The following NPRL3 variants were observed in gnomAD, a reference collection of about 807,000 sequenced individuals.
NPRL3 encodes the protein NPR3 like, GATOR1 complex subunit.
In NPRL3, 23 loss-of-function variants were observed where a neutral mutation model predicts 57.2. The observed-to-expected ratio is 0.40, with a 90% CI of 0.29 to 0.57. The LOEUF is 0.57. Ranked by LOEUF, NPRL3 falls within the 20% of genes least tolerant of loss-of-function variation. The pLI, the probability that NPRL3 is intolerant of heterozygous loss-of-function variation, is 0.42. For synonymous variants in NPRL3, 333 were observed against 321.1 expected (o/e 1.04, Z -0.39); for missense variants, 691 against 767.1 (o/e 0.90, Z 1.17).
intron 9 of NPRL3, 125 bp from the exon 10 acceptor site, chr16:93,450 A>G: frequency 5.9e-6 from 4 of 679,152 alleles, no homozygotes; most frequent in South Asian, 3.3e-5. Flanking sequence ...CCTCATGCAG[A>G]ACACACCTGG....
intron 7 of NPRL3, among the ~76,000 whole-genome samples, chr16:105,913 C>A (rs541163023): frequency 1.3e-5 from 2 of 152,206 alleles, no homozygotes; most frequent in African/African-American, 4.8e-5. Context: ...TTGGGGTGGC[C>A]TCCTGAGCGA....
intron 5 of NPRL3, among the ~76,000 whole-genome samples, chr16:114,543 A>T (rs1237580442): frequency 6.6e-6 from 1 of 152,200 alleles, no homozygotes; most frequent in African/African-American, 2.4e-5. Context: ...AATGAGATTA[A>T]TCCAAATGTG....
rs545827828 is a variant in NPRL3 at position 117,323 on chromosome 16, A to G, written c.371T>C (p.Phe124Ser). Residue 124 changes from phenylalanine to serine, a missense_variant, in exon 5 of 14, where the codon TTT becomes TCT. Physicochemically the swap from Phe to Ser is radical, Grantham distance 155. Transcript: ENST00000611875. ...CACCCTCAGTGCAAACACCACATTAAAAAGAATCATAGTAGGTGCTTCCCT... is the reference window on the plus strand; with the variant it reads ...CACCCTCAGTGCAAACACCACATTAGAAAGAATCATAGTAGGTGCTTCCCT... ...PKREAPTMILFNVVFALRANA... is the reference protein window; with the variant it reads ...PKREAPTMILSNVVFALRANA... 1 of 1,612,318 alleles carries G rather than the reference A, an allele frequency of 6.2e-7. No individual in the cohort carries two copies. Among genetic ancestry groups the G allele is most frequent in the East Asian group, 2.2e-5 (1 of 44,870 alleles).
chr16:135,217 T>A (rs542575956), intron 2 of NPRL3, among the ~76,000 whole-genome samples: 1 of 152,232 alleles, frequency 6.6e-6, no homozygotes, highest in Non-Finnish European at 1.5e-5. Context: ...TTTGGCCACG[T>A]TGTGGCCTGT....
chr16:104,600 C>A (rs777130952), intron 7 of NPRL3, among the ~76,000 whole-genome samples: 2 of 152,224 alleles, frequency 1.3e-5, no homozygotes, highest in African/African-American at 4.8e-5. Context: ...GGCAGAGACA[C>A]GCCATGTTGG....
intron 4 of NPRL3, among the ~76,000 whole-genome samples, chr16:118,130 C>T (rs977810308): frequency 2.6e-5 from 4 of 152,216 alleles, no homozygotes; most frequent in East Asian, 1.9e-4. Flanking sequence ...CATCAACCGC[C>T]TCAGAAACTC....
At chr16:132,008 C>CTTTTTTTTTTTT (rs61664945) in intron 2 of NPRL3, among the ~76,000 whole-genome samples, 1 of 144,952 alleles carries the variant, frequency 6.9e-6, no homozygotes, top group African/African-American at 2.6e-5. Flanking sequence ...TTCTTTCTTT[C>CTTTTTTTTTTTT]TTTTTTTTTT....
chr16:92,858 G>A (rs1898822768), intron 10 of NPRL3, 133 bp from the exon 11 acceptor site: 4 of 1,211,648 alleles, frequency 3.3e-6, no homozygotes, highest in East Asian at 2.6e-5. Flanking sequence ...AGAACGGTAT[G>A]AGGCCAGGCA....
chr16:129,123 A>G (rs967741313), intron 3 of NPRL3, among the ~76,000 whole-genome samples: 7 of 152,184 alleles, frequency 4.6e-5, no homozygotes, highest in Non-Finnish European at 8.8e-5. Flanking sequence ...ATAAGTCTGA[A>G]AATTAACTGC....
rs964305144 is a variant in NPRL3, at chr16:89,536, C to G, written c.1351+177G>C. 6.1e-5 allele frequency: 35 copies of G among 573,756 alleles called. No individual in the cohort carries two copies. The African/African-American group carries it at 6.3e-4, about 10-fold the overall frequency. 35.5% of individuals were successfully genotyped at this position (573,756 alleles called of 1,614,324 possible). The stretch of plus-strand genomic sequence containing the variant: ...GGAGACAGAGCTGCCACCTCAGAGT[C>G]ACGGTGGTGCTAGGAGACAGGAGAG... On this transcript the variant is annotated intron_variant, in intron 12 of 13. Coordinates refer to ENST00000611875, the MANE Select transcript of NPRL3 (RefSeq NM_001077350.3).
intron 3 of NPRL3, chr16:127,235 ATTTTTTTT>A (rs35559832): frequency 4.0e-5 from 4 of 99,834 alleles, no homozygotes; most frequent in South Asian, 7.0e-4. Flanking sequence ...GCACTGTCCA[ATTTTTTTT>A]TTTTTTTTTT....
Position 100,389 on chromosome 16 carries a change from C to T in NPRL3, c.750G>A (p.Arg250=), listed in dbSNP as rs1339299735. 30 of 1,556,896 alleles carry T rather than the reference C, an allele frequency of 1.9e-5. No individual in the cohort carries two copies. Among genetic ancestry groups the T allele is most frequent in the Non-Finnish European group, 2.6e-5 (30 of 1,152,378 alleles). The stretch of plus-strand genomic sequence containing the variant: ...GCACTTACCGGATGGCTTTCAGGCT[C>T]CGTTCGATGGCCTCTGGGGGGATCA... ...SSLIPPEAIE[R]SLKAIRPYHA... is the part of the protein sequence containing the mutation. Residue 250 remains arginine, a synonymous_variant, in exon 8 of 14, where the codon CGG becomes CGA. Coordinates refer to ENST00000611875, the MANE Select transcript of NPRL3 (RefSeq NM_001077350.3).
intron 6 of NPRL3, among the ~76,000 whole-genome samples, 200 bp downstream of exon 6, chr16:112,422 G>A (rs953299846): frequency 3.9e-5 from 6 of 152,210 alleles, no homozygotes; most frequent in Non-Finnish European, 7.3e-5. Context: ...AAGCTGTTGT[G>A]AGGACTTCAT....
chr16:106,499 G>A (rs1280780698), intron 7 of NPRL3, among the ~76,000 whole-genome samples: 2 of 151,572 alleles, frequency 1.3e-5, no homozygotes, highest in Non-Finnish European at 2.9e-5. Flanking sequence ...TCAGGCGTGG[G>A]GGCGGGTGCC....
rs1226803839 is a variant in NPRL3, at chr16:99,929, G to GTC, written c.767+441_767+442dup. 2.5e-5 allele frequency among the ~76,000 whole-genome samples: 3 copies of GTC among 119,610 alleles called. 1 individual carries two copies. The highest frequency in any genetic ancestry group is 2.5e-4 in the East Asian group (1 of 4,036). 78.5% of individuals were successfully genotyped at this position (119,610 alleles called of 152,430 possible). ...GCCTGGGCGATAAGATCAAAACTCT[G>GTC]TCTCTCTCTCACACACACACACACC... On this transcript the variant is annotated intron_variant, in intron 8 of 13. Transcript: ENST00000611875.
At chr16:87,717 C>T (rs72662133) in intron 13 of NPRL3, among the ~76,000 whole-genome samples, 198 of 151,798 alleles carry the variant, frequency 1.3e-3, no homozygotes, top group African/African-American at 4.4e-3. Flanking sequence ...CTACAGGCGC[C>T]CGCCACCACA....
intron 2 of NPRL3, among the ~76,000 whole-genome samples, chr16:136,852 A>G (rs932075676): frequency 5.3e-5 from 8 of 152,020 alleles, no homozygotes; most frequent in African/African-American, 1.9e-4. Flanking sequence ...ACTCCTTTGT[A>G]TCTTTAAAAC....
At chr16:98,442 C>G (rs765872322) in intron 8 of NPRL3, 141 bp from the exon 9 acceptor site, 1 of 906,566 alleles carries the variant, frequency 1.1e-6, no homozygotes, top group African/African-American at 1.7e-5. Context: ...CAGGTATGCA[C>G]CTGGGACTCA....
intron 10 of NPRL3, 155 bp from the exon 11 acceptor site, chr16:92,880 G>T: frequency 1.1e-6 from 1 of 906,508 alleles, no homozygotes; most frequent in Non-Finnish European, 1.7e-6. Flanking sequence ...GCCTCCAGGT[G>T]GACAGAGCCT....
Sources: allele counts gnomAD v4.1 joint callset (sites outside exome capture counted in the v4.1 genomes callset), GRCh38; gene constraint gnomAD v4.1.1; transcripts MANE v1.5; gene names NCBI Gene and HGNC (gene_info 2026-07-23, HGNC 2026-07-21).